The following EML6 variants were observed in gnomAD, a reference collection of about 807,000 sequenced individuals.
The protein encoded by EML6 is EMAP like 6, also known as echinoderm microtubule-associated protein-like 6.
EML6 carries 154 observed loss-of-function variants against 240.1 expected under a neutral mutation model. That is an observed-to-expected ratio of 0.64 (90% CI 0.56 to 0.73). EML6 has a LOEUF of 0.73. Among genes scored for constraint, EML6 ranks in the 30% least tolerant of loss-of-function variants. The pLI, the probability that EML6 is intolerant of heterozygous loss-of-function variation, is 0.00. For missense variants in EML6, 2,964 were observed against 2,474.6 expected (o/e 1.20, Z -4.20); for synonymous variants, 1,148 against 899.0 (o/e 1.28, Z -4.95).
chr2:54,968,338 G>T, intron 40 of EML6, 57 bp downstream of exon 40: 1 of 1,502,896 alleles, frequency 6.7e-7, no homozygotes, highest in South Asian at 1.2e-5. Flanking sequence ...GTCTGCAGGA[G>T]ATAGGGGCCA....
rs562155511 is a variant in EML6, at chr2:54,738,712, A to T, written c.197+13454A>T. 2.6e-5 allele frequency among the ~76,000 whole-genome samples: 4 copies of T among 152,238 alleles called. No homozygotes were observed. In the South Asian group the frequency reaches 8.3e-4, roughly 32 times the overall value. ...TTTCAGTCAATACTATGTTGATGAG[A>T]TTCATTTGTGTTTCTACATGCTTAT... On this transcript the variant is annotated intron_variant, in intron 2 of 41. Coordinates refer to ENST00000356458, the MANE Select transcript of EML6 (RefSeq NM_001039753.4).
intron 21 of EML6, among the ~76,000 whole-genome samples, chr2:54,899,415 C>G (rs530794616): frequency 6.6e-6 from 1 of 152,196 alleles, no homozygotes; most frequent in Non-Finnish European, 1.5e-5. Context: ...TCATGTTTTG[C>G]TTTGCAAATG....
At chr2:54,805,335 C>T (rs1232504120) in intron 2 of EML6, among the ~76,000 whole-genome samples, 1 of 152,160 alleles carries the variant, frequency 6.6e-6, no homozygotes, top group Non-Finnish European at 1.5e-5. Context: ...AGTGGAATTG[C>T]TAGATCATAA....
intron 2 of EML6, among the ~76,000 whole-genome samples, chr2:54,780,846 C>T (rs536139478): frequency 6.6e-6 from 1 of 152,272 alleles, no homozygotes; most frequent in South Asian, 2.1e-4. Context: ...GGAATTGTTG[C>T]ATGAGTATAA....
chr2:54,834,444 G>A (rs1669029439), intron 7 of EML6, among the ~76,000 whole-genome samples: 1 of 152,146 alleles, frequency 6.6e-6, no homozygotes, highest in African/African-American at 2.4e-5. Context: ...AAATGATTCT[G>A]TCTAAAGGAA....
chr2:54,928,861 T>A, intron 28 of EML6, 110 bp downstream of exon 28: 3 of 1,311,784 alleles, frequency 2.3e-6, no homozygotes, highest in Non-Finnish European at 3.2e-6. Context: ...GTCAGTCTTT[T>A]ATAAATCTTC....
At chr2:54,824,641 C>T (rs1346984265) in intron 5 of EML6, among the ~76,000 whole-genome samples, 1 of 152,122 alleles carries the variant, frequency 6.6e-6, no homozygotes, top group South Asian at 2.1e-4. Context: ...TTGCAATTAT[C>T]TGAAACGAAT....
chr2:54,873,686 TTAATA>T (rs1227056365), intron 16 of EML6, among the ~76,000 whole-genome samples: 1 of 145,908 alleles, frequency 6.9e-6, no homozygotes, highest in Non-Finnish European at 1.5e-5. Context: ...ATATGTATAC[TTAATA>T]TAAGTAATTA....
rs1682887978 is a variant in EML6, at chr2:54,725,905, G to A, written c.197+647G>A. Reference sequence around the variant, plus strand: ...CTGGATCACAAAATCCTACCAGCCAGCCCACACAATGACCAACATCTGCTA... The same window carrying A: ...CTGGATCACAAAATCCTACCAGCCAACCCACACAATGACCAACATCTGCTA... On this transcript the variant is annotated intron_variant, in intron 2 of 41. Coordinates refer to ENST00000356458, the MANE Select transcript of EML6 (RefSeq NM_001039753.4). The surrounding 1 kb of genome is among the most constrained non-coding windows in gnomAD (Gnocchi z 4.3). Among the ~76,000 whole-genome samples the A allele has an allele frequency of 6.6e-6, 1 of 152,212 alleles. No individual in the cohort carries two copies.
rs965453120 is a variant in EML6, at chr2:54,888,151, C to T, written c.2439-2903C>T. Among the ~76,000 whole-genome samples, 13 of 152,136 alleles carry T rather than the reference C, an allele frequency of 8.5e-5. No individual in the cohort carries two copies. The South Asian group carries it at 1.7e-3, about 19-fold the overall frequency. On this transcript the variant is annotated intron_variant, in intron 17 of 41. Transcript: ENST00000356458. ...GGAGGCAGTGCTCAAATATCTCTCT[C>T]GAGCTGGGGGCTGGGGCAGGATTCA...
chr2:54,858,910 C>G (rs1047425670), intron 11 of EML6, among the ~76,000 whole-genome samples: 2 of 152,212 alleles, frequency 1.3e-5, no homozygotes. Flanking sequence ...CTTTGGGGTT[C>G]TAGGCCTCCA....
chr2:54,872,463 ACT>A, intron 16 of EML6, among the ~76,000 whole-genome samples: 1 of 151,784 alleles, frequency 6.6e-6, no homozygotes, highest in Admixed American at 6.6e-5. Context: ...TCAAGCCCTC[ACT>A]CTTTCATCTA....
At chr2:54,805,566 A>G (rs1670424394) in intron 2 of EML6, among the ~76,000 whole-genome samples, 1 of 152,106 alleles carries the variant, frequency 6.6e-6, no homozygotes, top group African/African-American at 2.4e-5. Context: ...GCATTTTTAT[A>G]TATTCTGGGT....
chr2:54,911,961 C>T (rs978823791), intron 25 of EML6, among the ~76,000 whole-genome samples: 1 of 152,168 alleles, frequency 6.6e-6, no homozygotes, highest in Non-Finnish European at 1.5e-5. Flanking sequence ...ACATAATGAG[C>T]CCTGGTCTAA....
At chr2:54,877,557 T>C (rs972050960) in intron 16 of EML6, among the ~76,000 whole-genome samples, 3 of 152,020 alleles carry the variant, frequency 2.0e-5, no homozygotes, top group African/African-American at 7.2e-5. Flanking sequence ...CCAGACCATA[T>C]CAAGAGATGT....
At chr2:54,792,856 G>A (rs1019149416) in intron 2 of EML6, among the ~76,000 whole-genome samples, 14 of 152,108 alleles carry the variant, frequency 9.2e-5, no homozygotes, top group Non-Finnish European at 1.8e-4. Flanking sequence ...GAGGACATAC[G>A]GATTATTGGA....
intron 17 of EML6, among the ~76,000 whole-genome samples, chr2:54,886,147 T>C (rs1196814969): frequency 1.3e-5 from 2 of 150,200 alleles, no homozygotes; most frequent in Admixed American, 1.4e-4. Flanking sequence ...TCCTTTTTTT[T>C]TTTTTTAACC....
At chr2:54,902,519 C>T (rs779985582) in intron 22 of EML6, among the ~76,000 whole-genome samples, 5 of 152,150 alleles carry the variant, frequency 3.3e-5, no homozygotes, top group Non-Finnish European at 7.3e-5. Flanking sequence ...TCCACCTTGC[C>T]TCCTGAGTAG....
chr2:54,964,721 C>T lies in EML6; in HGVS notation c.5481C>T (p.Gly1827=). The part of the protein sequence containing the change: ...FVIQMDFSAD[G]KYIQVSTGAY... ...TTCAGATGGATTTTTCTGCGGATGG[C>T]AAATACATTCAGGTATGCTTGGGGT... The change falls in exon 38 of 42, where the codon GGC becomes GGT. Residue 1827 remains glycine (G), a synonymous_variant. Coordinates refer to ENST00000356458, the MANE Select transcript of EML6 (RefSeq NM_001039753.4). The T allele has an allele frequency of 6.4e-7, 1 of 1,551,850 alleles. No individual in the cohort carries two copies. Among genetic ancestry groups the T allele is most frequent in the Non-Finnish European group, 8.7e-7 (1 of 1,147,022 alleles).
Sources: gnomAD v4.1 joint callset for allele counts (sites outside exome capture counted in the v4.1 genomes callset) on GRCh38, gnomAD v4.1.1 for gene constraint, Gnocchi (gnomAD v3.1) non-coding constraint, MANE v1.5 for transcripts, NCBI Gene and HGNC (gene_info 2026-07-23, HGNC 2026-07-21) for gene names.